Variants in MGAT5 observed in about 807,000 individuals in gnomAD.
MGAT5 encodes alpha-1,6-mannosylglycoprotein 6-beta-N-acetylglucosaminyltransferase A.
In MGAT5, 30 loss-of-function variants were observed where a neutral mutation model predicts 94.3. The ratio of observed to expected loss-of-function variants is 0.32; its 90% CI spans 0.24 to 0.43. MGAT5 has a LOEUF of 0.43. Ranked by LOEUF, MGAT5 falls within the 20% of genes least tolerant of loss-of-function variation. MGAT5 has a pLI of 1.00. For synonymous variants in MGAT5, 310 were observed against 322.9 expected, an observed-to-expected ratio of 0.96 and a Z score of 0.43; for missense variants, 691 against 905.5, an observed-to-expected ratio of 0.76 and a Z score of 3.04.
intron 1 of MGAT5, among the ~76,000 whole-genome samples, chr2:134,267,026 G>A (rs1436926530): frequency 6.6e-6 from 1 of 152,218 alleles, no homozygotes; most frequent in East Asian, 1.9e-4. Context: ...TGGATGTTTA[G>A]TGATACTGGG....
intron 10 of MGAT5, among the ~76,000 whole-genome samples, chr2:134,395,386 A>C (rs1682647802): frequency 6.6e-6 from 1 of 152,206 alleles, no homozygotes; most frequent in South Asian, 2.1e-4. Flanking sequence ...GTGCTGGAAA[A>C]TAGAGACCCA....
chr2:134,228,547 A>T (rs1331027896), intron 1 of MGAT5, among the ~76,000 whole-genome samples: 1 of 152,114 alleles, frequency 6.6e-6, no homozygotes, highest in African/African-American at 2.4e-5. Flanking sequence ...GTGAAAATGG[A>T]TCTGGGCCTC....
intron 1 of MGAT5, among the ~76,000 whole-genome samples, chr2:134,153,159 A>T (rs1229769738): frequency 6.6e-6 from 1 of 152,014 alleles, no homozygotes; most frequent in Admixed American, 6.6e-5. Flanking sequence ...ACCCCAAATG[A>T]TCTGCCTGCC....
chr2:134,382,104 T>G (rs185159376), intron 10 of MGAT5, among the ~76,000 whole-genome samples: 2 of 152,140 alleles, frequency 1.3e-5, no homozygotes, highest in Admixed American at 1.3e-4. Flanking sequence ...AAAACCCCAG[T>G]GATGGCCAGG....
chr2:134,396,915 T>G (rs1024047929), intron 10 of MGAT5, among the ~76,000 whole-genome samples: 15 of 152,108 alleles, frequency 9.9e-5, no homozygotes, highest in African/African-American at 3.4e-4. Context: ...ACTGCCTGCT[T>G]GTAAAGGAGG....
chr2:134,239,747 C>T (rs1289889262), intron 1 of MGAT5, among the ~76,000 whole-genome samples: 1 of 151,870 alleles, frequency 6.6e-6, no homozygotes, highest in African/African-American at 2.4e-5. Flanking sequence ...CCTACCATAG[C>T]TATCTTGCTC....
chr2:134,131,963 G>A (rs1030779643), intron 1 of MGAT5, among the ~76,000 whole-genome samples: 1 of 152,172 alleles, frequency 6.6e-6, no homozygotes, highest in Non-Finnish European at 1.5e-5. Context: ...GCTGTCTCCT[G>A]AGCAGGTCTA....
intron 5 of MGAT5, among the ~76,000 whole-genome samples, 173 bp downstream of exon 5, chr2:134,336,461 T>C (rs1334759479): frequency 6.6e-6 from 1 of 152,150 alleles, no homozygotes; most frequent in African/African-American, 2.4e-5. Context: ...ACCATTAGCA[T>C]AGGTTTGTTT....
intron 1 of MGAT5, among the ~76,000 whole-genome samples, chr2:134,269,286 A>G (rs1331016093): frequency 6.6e-6 from 1 of 152,158 alleles, no homozygotes; most frequent in African/African-American, 2.4e-5. Context: ...TGTGCTGTTT[A>G]TGTGAGCATG....
At chr2:134,237,879 T>C (rs1232275989) in intron 1 of MGAT5, among the ~76,000 whole-genome samples, 1 of 151,138 alleles carries the variant, frequency 6.6e-6, no homozygotes, top group Non-Finnish European at 1.5e-5. Flanking sequence ...GCCTCCTGAG[T>C]AGCTGGGATT....
intron 10 of MGAT5, among the ~76,000 whole-genome samples, chr2:134,385,436 ATATT>A (rs1681912737): frequency 6.6e-6 from 1 of 152,368 alleles, no homozygotes; most frequent in Admixed American, 6.5e-5. Context: ...ACCACAATAT[ATATT>A]AAATCCAAAG....
chr2:134,371,423 A>G (rs929642009), intron 10 of MGAT5, among the ~76,000 whole-genome samples: 5 of 152,330 alleles, frequency 3.3e-5, no homozygotes, highest in Middle Eastern at 3.4e-3. Context: ...CTTTGTCAGC[A>G]TACAGCTTCA....
chr2:134,418,060 G>A (rs1270595672), intron 12 of MGAT5, among the ~76,000 whole-genome samples: 2 of 151,850 alleles, frequency 1.3e-5, no homozygotes, highest in Non-Finnish European at 2.9e-5. Context: ...AGGTTTTAAT[G>A]ACACTGTGGC....
At chr2:134,303,681 A>G (rs972052826) in intron 2 of MGAT5, among the ~76,000 whole-genome samples, 1 of 152,118 alleles carries the variant, frequency 6.6e-6, no homozygotes, top group Admixed American at 6.6e-5. Flanking sequence ...CTTTTATTGG[A>G]GCCTCCCTCA....
upstream of MGAT5, among the ~76,000 whole-genome samples, chr2:134,253,559 G>C (rs1463012169): frequency 6.6e-6 from 1 of 152,190 alleles, no homozygotes; most frequent in East Asian, 1.9e-4. Flanking sequence ...TGCCTGCCAG[G>C]TGTTCCACAT....
intron 12 of MGAT5, among the ~76,000 whole-genome samples, chr2:134,415,503 A>G (rs1683912838): frequency 6.6e-6 from 1 of 152,144 alleles, no homozygotes; most frequent in South Asian, 2.1e-4. Flanking sequence ...GGAGTTCCTT[A>G]TATACTTTGG....
chr2:134,285,840 A>T (rs956885937), intron 2 of MGAT5, among the ~76,000 whole-genome samples: 1 of 152,116 alleles, frequency 6.6e-6, no homozygotes, highest in Non-Finnish European at 1.5e-5. Flanking sequence ...CCTCCGCTAC[A>T]TGGCTCCTCT....
At chr2:134,244,072 A>AT (rs1682107291) in intron 1 of MGAT5, among the ~76,000 whole-genome samples, 1 of 152,130 alleles carries the variant, frequency 6.6e-6, no homozygotes, top group South Asian at 2.1e-4. Context: ...GAAAAGGTGC[A>AT]TTTTACACTT....
At chr2:134,354,444 G>C (rs1679593297) in intron 9 of MGAT5, among the ~76,000 whole-genome samples, 1 of 152,166 alleles carries the variant, frequency 6.6e-6, no homozygotes, top group Non-Finnish European at 1.5e-5. Context: ...ACACCATTGG[G>C]ATGCATCTTG....
Sources: gnomAD v4.1 joint callset for allele counts (sites outside exome capture counted in the v4.1 genomes callset) on GRCh38, gnomAD v4.1.1 for gene constraint, MANE v1.5 for transcripts, NCBI Gene and HGNC (gene_info 2026-07-23, HGNC 2026-07-21) for gene names.